TACR1: variants seen among roughly 807,000 people sequenced by gnomAD.
TACR1 encodes the protein tachykinin receptor 1.
TACR1 carries 25 observed loss-of-function variants against 35.8 expected under a neutral mutation model. The ratio of observed to expected loss-of-function variants is 0.70; its 90% CI spans 0.51 to 0.98. The LOEUF (loss-of-function observed/expected upper bound fraction) is 0.98. Among genes scored for constraint, TACR1 ranks in the 50% least tolerant of loss-of-function variants. The probability of loss-of-function intolerance (pLI) is 0.00; values close to 1 mark genes in which losing one functional copy is unlikely to be tolerated. For missense variants in TACR1, 478 were observed against 522.9 expected, an observed-to-expected ratio of 0.91 and a Z score of 0.84; for synonymous variants, 195 against 206.7, an observed-to-expected ratio of 0.94 and a Z score of 0.48.
At chr2:75,162,441 G>C (rs944845261) in intron 1 of TACR1, among the ~76,000 whole-genome samples, 1 of 152,246 alleles carries the variant, frequency 6.6e-6, no homozygotes, top group Non-Finnish European at 1.5e-5. Flanking sequence ...TACTGGAAGA[G>C]TGCCAGTGCC....
chr2:75,078,938 A>G (rs1673028785), intron 2 of TACR1, among the ~76,000 whole-genome samples: 4 of 152,106 alleles, frequency 2.6e-5, no homozygotes, highest in Non-Finnish European at 5.9e-5. Flanking sequence ...ATTTTAAGGG[A>G]AAAATATGAC....
intron 1 of TACR1, among the ~76,000 whole-genome samples, chr2:75,139,893 G>A (rs1033621937): frequency 6.6e-6 from 1 of 152,126 alleles, no homozygotes; most frequent in Non-Finnish European, 1.5e-5. Context: ...CAACAGCCCT[G>A]GTCAGCCTCT....
chr2:75,049,566 C>T lies in TACR1; in HGVS notation c.1090G>A (p.Ala364Thr). ...LETTISTVVGAHEEEPEDGPK... is the reference protein window; with the variant it reads ...LETTISTVVGTHEEEPEDGPK... ...CCGTCCTCTGGCTCCTCCTCGTGGG[C>T]CCCCACCACTGTGGAGATGGTGGTC... is the stretch of plus-strand genomic sequence containing the variant. Residue 364 changes from alanine (A) to threonine (T), a missense_variant, in exon 5 of 5, where the codon GCC becomes ACC. Coordinates refer to ENST00000305249, the MANE Select transcript of TACR1 (RefSeq NM_001058.4). 2 of 1,614,154 alleles carry T rather than the reference C, an allele frequency of 1.2e-6. No homozygotes were observed. The highest frequency in any genetic ancestry group is 2.2e-5 in the East Asian group (1 of 44,880).
intron 1 of TACR1, among the ~76,000 whole-genome samples, chr2:75,153,304 A>C (rs1183033277): frequency 6.6e-6 from 1 of 152,212 alleles, no homozygotes; most frequent in Non-Finnish European, 1.5e-5. Context: ...TATGGCAAGA[A>C]AGCACAGGAA....
intron 2 of TACR1, among the ~76,000 whole-genome samples, chr2:75,069,255 T>A (rs1356631682): frequency 6.6e-6 from 1 of 152,094 alleles, no homozygotes; most frequent in Non-Finnish European, 1.5e-5. Context: ...CAGTCTTGGG[T>A]ATGTCTTTAT....
chr2:75,050,716 C>G (rs1366166935), intron 4 of TACR1, among the ~76,000 whole-genome samples: 1 of 152,208 alleles, frequency 6.6e-6, no homozygotes, highest in Non-Finnish European at 1.5e-5. Flanking sequence ...TTTGCCTTAC[C>G]TTGTCCTGCT....
At chr2:75,197,750 T>C (rs77555772) in intron 1 of TACR1, among the ~76,000 whole-genome samples, 3,314 of 152,302 alleles carry the variant, frequency 0.022, 64 homozygotes, top group Middle Eastern at 0.054. Context: ...TTGCCAAGCA[T>C]GTTTCTCTGT....
At chr2:75,124,386 A>G (rs1250959524) in intron 1 of TACR1, among the ~76,000 whole-genome samples, 1 of 152,200 alleles carries the variant, frequency 6.6e-6, no homozygotes, top group Non-Finnish European at 1.5e-5. Context: ...TCTTTCCTCT[A>G]CGATGAGATT....
chr2:75,048,246 G>C lies in TACR1; in HGVS notation c.*1186C>G, dbSNP rs752319251. 7 of 152,246 alleles carry C rather than the reference G, an allele frequency of 4.6e-5. No individual in the cohort carries two copies. The highest frequency in any genetic ancestry group is 1.0e-4 in the Non-Finnish European group (7 of 68,046). 9.4% of individuals were successfully genotyped at this position (152,246 alleles called of 1,614,324 possible). A position where few individuals can be genotyped will look rare whatever the true frequency, so the allele number is the denominator to read the frequency against. On this transcript the variant is annotated 3_prime_UTR_variant, in exon 5 of 5. Coordinates refer to ENST00000305249, the MANE Select transcript of TACR1 (RefSeq NM_001058.4). ...TGTCGCACATATGAGCACGATGCTA[G>C]TGTAAAACTAAGAATGAAGGTTAGG...
chr2:75,052,291 C>T (rs1672484361), intron 3 of TACR1, among the ~76,000 whole-genome samples: 2 of 152,152 alleles, frequency 1.3e-5, no homozygotes, highest in Admixed American at 1.3e-4. Flanking sequence ...AAGTGCCATC[C>T]ATGAACCAGG....
chr2:75,102,300 G>C (rs1673547471), intron 2 of TACR1, among the ~76,000 whole-genome samples: 1 of 152,210 alleles, frequency 6.6e-6, no homozygotes, highest in Non-Finnish European at 1.5e-5. Flanking sequence ...GCACAAACCA[G>C]AGCAGCCAGC....
At chr2:75,129,006 A>T (rs1462435153) in intron 1 of TACR1, among the ~76,000 whole-genome samples, 2 of 152,226 alleles carry the variant, frequency 1.3e-5, no homozygotes, top group African/African-American at 4.8e-5. Context: ...GTGTGCTGAC[A>T]CACGGGAGAC....
intron 1 of TACR1, among the ~76,000 whole-genome samples, chr2:75,197,323 T>G (rs1676017878): frequency 6.6e-6 from 1 of 152,234 alleles, no homozygotes; most frequent in South Asian, 2.1e-4. Context: ...AGACTTCTAA[T>G]AATTTGCAAG....
intron 1 of TACR1, among the ~76,000 whole-genome samples, chr2:75,175,086 A>G (rs1324425406): frequency 2.0e-5 from 3 of 152,198 alleles, no homozygotes; most frequent in Non-Finnish European, 2.9e-5. Context: ...CTAGCTCACA[A>G]AAGTCCTCAG....
At chr2:75,072,512 C>G (rs1326287045) in intron 2 of TACR1, among the ~76,000 whole-genome samples, 2 of 152,208 alleles carry the variant, frequency 1.3e-5, no homozygotes, top group East Asian at 1.9e-4. Context: ...AAGCCCAACT[C>G]TAACCCTAAC....
At chr2:75,157,751 A>T (rs1674898316) in intron 1 of TACR1, among the ~76,000 whole-genome samples, 1 of 152,370 alleles carries the variant, frequency 6.6e-6, no homozygotes, top group Non-Finnish European at 1.5e-5. Flanking sequence ...GTTTTAAGCA[A>T]TTCAAATATT....
intron 3 of TACR1, among the ~76,000 whole-genome samples, chr2:75,052,154 G>A (rs1672481442): frequency 6.6e-6 from 1 of 152,174 alleles, no homozygotes; most frequent in African/African-American, 2.4e-5. Flanking sequence ...TAAGGTGATG[G>A]TATTAGGAGG....
chr2:75,127,317 T>C (rs865935630), intron 1 of TACR1, among the ~76,000 whole-genome samples: 17 of 152,240 alleles, frequency 1.1e-4, no homozygotes, highest in African/African-American at 3.9e-4. Flanking sequence ...AAGAGGCCTT[T>C]AGCAGCCTGC....
At chr2:75,082,095 G>A (rs1332937052) in intron 2 of TACR1, among the ~76,000 whole-genome samples, 1 of 151,922 alleles carries the variant, frequency 6.6e-6, no homozygotes, top group Non-Finnish European at 1.5e-5. Flanking sequence ...AACAGGCTCT[G>A]GGGTATGATG....
Sources: gnomAD v4.1 joint callset for allele counts (sites outside exome capture counted in the v4.1 genomes callset) on GRCh38, gnomAD v4.1.1 for gene constraint, MANE v1.5 for transcripts, NCBI Gene and HGNC (gene_info 2026-07-23, HGNC 2026-07-21) for gene names.